SLC44A5: variants seen among roughly 807,000 people sequenced by gnomAD.
The protein encoded by SLC44A5 is solute carrier family 44 member 5, also known as choline transporter-like protein 5.
SLC44A5 carries 57 observed loss-of-function variants against 101.8 expected under a neutral mutation model. That is an observed-to-expected ratio of 0.56 (90% CI 0.45 to 0.70). The LOEUF (loss-of-function observed/expected upper bound fraction) is 0.70, where lower values mean the gene tolerates loss of function less well. Among genes scored for constraint, SLC44A5 ranks in the 30% least tolerant of loss-of-function variants. The probability of loss-of-function intolerance (pLI) is 0.00; values close to 1 mark genes in which losing one functional copy is unlikely to be tolerated. For synonymous variants in SLC44A5, 281 were observed against 290.9 expected, an observed-to-expected ratio of 0.97 and a Z score of 0.35; for missense variants, 737 against 853.1, an observed-to-expected ratio of 0.86 and a Z score of 1.70.
the SLC44A5 span, among the ~76,000 whole-genome samples, chr1:75,692,514 A>C: frequency 6.6e-6 from 1 of 152,158 alleles, no homozygotes; most frequent in Non-Finnish European, 1.5e-5. Flanking sequence ...GATTCTATGC[A>C]GAAGTAGAAG....
intron 2 of SLC44A5, among the ~76,000 whole-genome samples, chr1:75,474,117 C>T (rs934954733): frequency 6.6e-6 from 1 of 152,050 alleles, no homozygotes. Flanking sequence ...AGTTCACTGT[C>T]AATAACAGAT....
At position 75,257,543 on chromosome 1, in the gene SLC44A5, G is replaced by A. The variant is rs559555242; in HGVS notation, c.261-6249C>T. Among the ~76,000 whole-genome samples, 7 of 152,200 alleles carry A rather than the reference G, an allele frequency of 4.6e-5. No homozygotes were observed. In the South Asian group the frequency reaches 8.3e-4, roughly 18 times the overall value. Reference sequence around the variant, plus strand: ...AGCTGGGAACCTAGAGAGGCTTTCCGATGCAGGAAAAGGGTGAGAGACCCC... The same window carrying A: ...AGCTGGGAACCTAGAGAGGCTTTCCAATGCAGGAAAAGGGTGAGAGACCCC... On this transcript the variant is annotated intron_variant, in intron 6 of 23. Coordinates refer to ENST00000370859, the MANE Select transcript of SLC44A5 (RefSeq NM_001130058.2).
At chr1:75,537,165 T>C (rs1220552237) in intron 2 of SLC44A5, among the ~76,000 whole-genome samples, 1 of 151,992 alleles carries the variant, frequency 6.6e-6, no homozygotes, top group African/African-American at 2.4e-5. Flanking sequence ...TATGTAATTA[T>C]ATGTGAAATT....
chr1:75,391,030 G>A (rs1235327377), intron 3 of SLC44A5, among the ~76,000 whole-genome samples: 1 of 152,032 alleles, frequency 6.6e-6, no homozygotes, highest in East Asian at 1.9e-4. Flanking sequence ...AAATCTAGTA[G>A]CATTTCTGTA....
rs182993543 is a variant in SLC44A5 at position 75,286,949 on chromosome 1, G to A, written c.176-11907C>T. Among the ~76,000 whole-genome samples the A allele has an allele frequency of 5.1e-4, 77 of 152,058 alleles. 1 individual carries two copies. The East Asian group carries it at 0.012, about 23-fold the overall frequency. ...ATGATCTTTTTGTGATGAATTTCCCGGTTGTTCTTTGAGCTTCCTGTATTC... is the reference window on the plus strand; with the variant it reads ...ATGATCTTTTTGTGATGAATTTCCCAGTTGTTCTTTGAGCTTCCTGTATTC... On this transcript the variant is annotated intron_variant, in intron 5 of 23. Transcript: ENST00000370859.
chr1:75,639,508 T>C, the SLC44A5 span, among the ~76,000 whole-genome samples: 2 of 152,114 alleles, frequency 1.3e-5, no homozygotes, highest in Non-Finnish European at 2.9e-5. Flanking sequence ...CTCTAAATTA[T>C]TCTTTGACTG....
At chr1:75,376,176 A>G (rs1286293269) in intron 3 of SLC44A5, among the ~76,000 whole-genome samples, 1 of 152,238 alleles carries the variant, frequency 6.6e-6, no homozygotes, top group African/African-American at 2.4e-5. Flanking sequence ...CACCTGGCTC[A>G]GAGGGTCCTA....
In SLC44A5 at chr1:75,380,963, T is replaced by C. The variant is rs573619396; in HGVS notation, c.52+15620A>G. Among the ~76,000 whole-genome samples the C allele has an allele frequency of 4.8e-5, 4 of 82,870 alleles. 2 individuals carry two copies. 54.4% of individuals were successfully genotyped at this position (82,870 alleles called of 152,430 possible). The stretch of plus-strand genomic sequence containing the variant: ...GCACCAGGATGTTTAATGGCTGCAG[T>C]CCAAAATTGGTTGGTGGAAGTACCT... On this transcript the variant is annotated intron_variant, in intron 3 of 23. Coordinates refer to ENST00000370859, the MANE Select transcript of SLC44A5 (RefSeq NM_001130058.2).
chr1:75,676,740 A>G, the SLC44A5 span, among the ~76,000 whole-genome samples: 1 of 152,220 alleles, frequency 6.6e-6, no homozygotes, highest in Non-Finnish European at 1.5e-5. Context: ...CAAAACCTAG[A>G]GAAAGATATC....
intron 1 of SLC44A5, among the ~76,000 whole-genome samples, chr1:75,578,985 T>C (rs1462215256): frequency 6.6e-6 from 1 of 152,168 alleles, no homozygotes; most frequent in Non-Finnish European, 1.5e-5. Context: ...CTACCATATG[T>C]ACTAAAATGG....
chr1:75,437,943 T>C (rs1310191869), intron 2 of SLC44A5, among the ~76,000 whole-genome samples: 1 of 152,150 alleles, frequency 6.6e-6, no homozygotes, highest in Non-Finnish European at 1.5e-5. Context: ...TTTCTTTTGA[T>C]CTATTGTTAG....
intron 2 of SLC44A5, among the ~76,000 whole-genome samples, chr1:75,458,057 T>A (rs1411232502): frequency 6.6e-6 from 1 of 152,166 alleles, no homozygotes; most frequent in African/African-American, 2.4e-5. Flanking sequence ...AATTTCAATA[T>A]TGTATGATAA....
At chr1:75,369,164 C>T (rs1660060719) in intron 3 of SLC44A5, among the ~76,000 whole-genome samples, 1 of 152,012 alleles carries the variant, frequency 6.6e-6, no homozygotes, top group African/African-American at 2.4e-5. Context: ...CTGGTGCACA[C>T]CACTACACTT....
chr1:75,416,308 C>T (rs1206265082), intron 2 of SLC44A5, among the ~76,000 whole-genome samples: 4 of 142,958 alleles, frequency 2.8e-5, no homozygotes, highest in Admixed American at 7.0e-5. Context: ...AGGATGCAAG[C>T]CCCAAACCTC....
chr1:75,308,401 T>G (rs2100902897), intron 4 of SLC44A5, among the ~76,000 whole-genome samples: 1 of 152,256 alleles, frequency 6.6e-6, no homozygotes, highest in African/African-American at 2.4e-5. Context: ...ATTTTTTTTT[T>G]TTTACAAAGA....
At chr1:75,609,228 A>G (rs1675508697) in intron 1 of SLC44A5, among the ~76,000 whole-genome samples, 1 of 151,850 alleles carries the variant, frequency 6.6e-6, no homozygotes, top group South Asian at 2.1e-4. Context: ...GGAGGAAGGG[A>G]TTCTTTGGTA....
At chr1:75,556,079 T>G (rs540986124) in intron 1 of SLC44A5, among the ~76,000 whole-genome samples, 1 of 140,606 alleles carries the variant, frequency 7.1e-6, no homozygotes, top group South Asian at 2.3e-4. Context: ...GGATGGAGAG[T>G]GATGGAAAGG....
chr1:75,680,475 C>T, the SLC44A5 span, among the ~76,000 whole-genome samples: 2 of 151,716 alleles, frequency 1.3e-5, no homozygotes, highest in South Asian at 4.2e-4. Flanking sequence ...AACTGCTCAA[C>T]TACATGGAAA....
intron 4 of SLC44A5, among the ~76,000 whole-genome samples, chr1:75,300,914 AG>A (rs1654406091): frequency 6.6e-6 from 1 of 152,176 alleles, no homozygotes; most frequent in African/African-American, 2.4e-5. Context: ...CAGAACTCTT[AG>A]TATTTGTTCT....
Sources: allele counts gnomAD v4.1 joint callset (sites outside exome capture counted in the v4.1 genomes callset), GRCh38; gene constraint gnomAD v4.1.1; transcripts MANE v1.5; gene names NCBI Gene and HGNC (gene_info 2026-07-23, HGNC 2026-07-21).